Variants in SLC1A1 observed in about 807,000 individuals in gnomAD.
The protein encoded by SLC1A1 is solute carrier family 1 member 1.
A neutral mutation model predicts 53.3 loss-of-function variants in SLC1A1; 43 were observed. The observed-to-expected ratio is 0.81, with a 90% CI of 0.63 to 1.04. The LOEUF is 1.04. SLC1A1 is among the 50% of genes least tolerant of loss of function. The pLI is 0.00. For missense variants in SLC1A1, 748 were observed against 664.9 expected (o/e 1.12, Z -1.37); for synonymous variants, 307 against 243.2 (o/e 1.26, Z -2.44).
At chr9:4,523,308 T>G (rs1816147409) in intron 1 of SLC1A1, among the ~76,000 whole-genome samples, 1 of 152,142 alleles carries the variant, frequency 6.6e-6, no homozygotes, top group Non-Finnish European at 1.5e-5. Context: ...ATTAAGTTAT[T>G]GAGTCACATT....
chr9:4,493,627 G>A (rs1490418170), intron 1 of SLC1A1, among the ~76,000 whole-genome samples: 1 of 152,220 alleles, frequency 6.6e-6, no homozygotes, highest in East Asian at 1.9e-4. Context: ...CCCTGACCAG[G>A]TGCAGTGGCT....
intron 2 of SLC1A1, among the ~76,000 whole-genome samples, chr9:4,547,775 T>C (rs1035584025): frequency 2.0e-5 from 3 of 152,138 alleles, no homozygotes; most frequent in Admixed American, 6.5e-5. Flanking sequence ...CAAATTTATA[T>C]TGTATACATA....
chr9:4,495,558 G>A (rs62542051), intron 1 of SLC1A1, among the ~76,000 whole-genome samples: 3,534 of 152,264 alleles, frequency 0.023, 71 homozygotes, highest in Non-Finnish European at 0.032. Context: ...TACTGAGAAG[G>A]TGACAGTTGA....
intron 6 of SLC1A1, among the ~76,000 whole-genome samples, chr9:4,569,825 C>T (rs1819855096): frequency 6.6e-6 from 1 of 152,184 alleles, no homozygotes; most frequent in South Asian, 2.1e-4. Flanking sequence ...TGTTGTTCCA[C>T]AAATACTTTC....
intron 1 of SLC1A1, among the ~76,000 whole-genome samples, chr9:4,497,356 C>T (rs1820468796): frequency 6.6e-6 from 1 of 152,176 alleles, no homozygotes; most frequent in Admixed American, 6.5e-5. Flanking sequence ...TCTCCCGCTG[C>T]TGTGTGATAT....
Position 4,585,725 on chromosome 9 carries a change from G to C in SLC1A1, c.*167G>C. On this transcript the variant is annotated 3_prime_UTR_variant, in exon 12 of 12. Coordinates refer to ENST00000262352, the MANE Select transcript of SLC1A1 (RefSeq NM_004170.6). ...TTGGATTCACAGCCTTTGCGCTCTG[G>C]GTTTTGGGATTTGGGTGTGGGGTAA... 3 of 859,348 alleles carry C rather than the reference G, an allele frequency of 3.5e-6. No homozygotes were observed. Among genetic ancestry groups the C allele is most frequent in the African/African-American group, 1.7e-5 (1 of 59,242 alleles). The allele number at this position is 859,348 out of a possible 1,614,324, so 53.2% of individuals were successfully genotyped here. A position where few individuals can be genotyped will look rare whatever the true frequency, so the allele number is the denominator to read the frequency against.
chr9:4,552,633 G>A (rs778376253), intron 2 of SLC1A1, among the ~76,000 whole-genome samples: 1 of 152,070 alleles, frequency 6.6e-6, no homozygotes, highest in Non-Finnish European at 1.5e-5. Context: ...ACCTGAATAA[G>A]TATCCATCCT....
chr9:4,576,830 TGAAG>T, intron 10 of SLC1A1, 67 bp downstream of exon 10: 1 of 1,410,222 alleles, frequency 7.1e-7, no homozygotes, highest in Non-Finnish European at 1.0e-6. Context: ...AAATTGTCCA[TGAAG>T]GGACACCAAG....
intron 2 of SLC1A1, among the ~76,000 whole-genome samples, chr9:4,550,364 A>G (rs527843873): frequency 3.3e-5 from 5 of 152,286 alleles, no homozygotes; most frequent in South Asian, 2.1e-4. Flanking sequence ...GACCTCAACC[A>G]TAGGATCAGA....
intron 1 of SLC1A1, among the ~76,000 whole-genome samples, chr9:4,519,672 GTA>G (rs1815997118): frequency 6.6e-6 from 1 of 152,178 alleles, no homozygotes; most frequent in South Asian, 2.1e-4. Context: ...TATGACATAG[GTA>G]CTCTTCTCAT....
At chr9:4,529,747 C>G (rs911508099) in intron 1 of SLC1A1, among the ~76,000 whole-genome samples, 9 of 152,080 alleles carry the variant, frequency 5.9e-5, no homozygotes, top group African/African-American at 2.2e-4. Flanking sequence ...CCAGGCTGAT[C>G]TCAAATTCCT....
Position 4,490,471 on chromosome 9 carries a change from A to C in SLC1A1, c.-209A>C. 9.0e-6 allele frequency: 3 copies of C among 332,728 alleles called. No homozygotes were observed. The highest frequency in any genetic ancestry group is 1.1e-5 in the Non-Finnish European group (2 of 184,140). The allele number at this position is 332,728 out of a possible 1,614,324, so 20.6% of individuals were successfully genotyped here. On this transcript the variant is annotated 5_prime_UTR_variant, in exon 1 of 12. Transcript: ENST00000262352. Reference sequence around the variant, plus strand: ...AGGAGCCGGGCGCGCCTGCCACGCAAAACTACCGGGCTGGCAGGGCGGCGG... The same window carrying C: ...AGGAGCCGGGCGCGCCTGCCACGCACAACTACCGGGCTGGCAGGGCGGCGG...
chr9:4,585,031 C>A (rs1821460656), intron 11 of SLC1A1, among the ~76,000 whole-genome samples: 1 of 152,138 alleles, frequency 6.6e-6, no homozygotes, highest in Non-Finnish European at 1.5e-5. Context: ...CTCCCTCAGT[C>A]CCCCAAAAAA....
At chr9:4,510,022 T>A (rs951154842) in intron 1 of SLC1A1, among the ~76,000 whole-genome samples, 5 of 151,974 alleles carry the variant, frequency 3.3e-5, no homozygotes, top group Admixed American at 1.3e-4. Flanking sequence ...TTAGTAGAAA[T>A]GGGGTTTTGC....
chr9:4,561,480 A>C lies in SLC1A1; in HGVS notation c.264A>C (p.Gly88=), dbSNP rs1442570866. ...CTGCACTGGATTCCAACGTATCCGG[A>C]AAAATTGGTCTGCGCGCTGTCGTGT... ...GVAALDSNVS[G]KIGLRAVVYY... Residue 88 remains glycine (G), a synonymous_variant, in exon 3 of 12, where the codon GGA becomes GGC. Transcript: ENST00000262352. 1.9e-6 allele frequency: 3 copies of C among 1,609,332 alleles called. No individual in the cohort carries two copies. In the South Asian group the frequency reaches 3.3e-5, roughly 18 times the overall value.
intron 1 of SLC1A1, among the ~76,000 whole-genome samples, chr9:4,513,692 A>T (rs1231855121): frequency 6.6e-6 from 1 of 152,132 alleles, no homozygotes; most frequent in Non-Finnish European, 1.5e-5. Flanking sequence ...CAGCAGTCCC[A>T]CTCCTGTGTA....
intron 1 of SLC1A1, among the ~76,000 whole-genome samples, chr9:4,501,387 G>T (rs948089425): frequency 1.3e-5 from 2 of 151,432 alleles, no homozygotes; most frequent in East Asian, 3.9e-4. Flanking sequence ...CCTCAGAGAG[G>T]GTCCACATGG....
chr9:4,573,863 G>A lies in SLC1A1; in HGVS notation c.768-44G>A, dbSNP rs190667193. On this transcript the variant is annotated intron_variant, in intron 7 of 11. Coordinates refer to ENST00000262352, the MANE Select transcript of SLC1A1 (RefSeq NM_004170.6). Reference sequence around the variant, plus strand: ...TTCCCCACCAACCTAGCATGAGAAAGCACTTGATGACGGAATCACGCCTCT... The same window carrying A: ...TTCCCCACCAACCTAGCATGAGAAAACACTTGATGACGGAATCACGCCTCT... 104 of 1,339,486 alleles carry A rather than the reference G, an allele frequency of 7.8e-5. No homozygotes were observed. The East Asian group carries it at 2.1e-3, about 27-fold the overall frequency. 83.0% of individuals were successfully genotyped at this position (1,339,486 alleles called of 1,614,324 possible).
rs1213285453 is a variant in SLC1A1, at chr9:4,572,247, G to C, written c.626G>C (p.Gly209Ala). ...EYKIVGMYSD[G>A]INVLGLIVFC... Reference sequence around the variant, plus strand: ...AAAATTGTTGGCATGTATTCAGATGGCATAAACGTCCTGGGCTTGATTGTC... The same window carrying C: ...AAAATTGTTGGCATGTATTCAGATGCCATAAACGTCCTGGGCTTGATTGTC... Residue 209 changes from glycine (G) to alanine (A), a missense_variant, in exon 7 of 12, where the codon GGC becomes GCC. Physicochemically the swap from Gly to Ala is moderately conservative, Grantham distance 60. Transcript: ENST00000262352. 6.2e-7 allele frequency: 1 copy of C among 1,614,090 alleles called. No individual in the cohort carries two copies. The highest frequency in any genetic ancestry group is 8.5e-7 in the Non-Finnish European group (1 of 1,179,960).
Sources: allele counts gnomAD v4.1 joint callset (sites outside exome capture counted in the v4.1 genomes callset), GRCh38; gene constraint gnomAD v4.1.1; transcripts MANE v1.5; gene names NCBI Gene and HGNC (gene_info 2026-07-23, HGNC 2026-07-21).